DNAAF19: variants seen among roughly 807,000 people sequenced by gnomAD.
The protein encoded by DNAAF19 is coiled-coil domain containing 103.
At chr17:44,901,590 C>T in the DNAAF19 span, 14 of 1,614,104 alleles carry the variant, frequency 8.7e-6, no homozygotes, top group East Asian at 4.5e-5. Context: ...GAGAACTGTG[C>T]CCTGGAACTG....
chr17:44,904,357 C>T, the DNAAF19 span: 46 of 1,542,892 alleles, frequency 3.0e-5, no homozygotes, highest in Admixed American at 2.6e-4. Context: ...GGGAATGGAC[C>T]CCCTGTGACC....
At chr17:44,904,015 T>G in the DNAAF19 span, 1 of 1,550,658 alleles carries the variant, frequency 6.4e-7, no homozygotes. Flanking sequence ...AGGTGCCAGC[T>G]GTAGTCTGGT....
At chr17:44,900,676 C>A in the DNAAF19 span, among the ~76,000 whole-genome samples, 101,276 of 152,010 alleles carry the variant, frequency 0.67, 34,512 homozygotes, top group African/African-American at 0.81. Context: ...TCTGAGATCC[C>A]AATGCCTCCT....
At chr17:44,903,859 G>T in the DNAAF19 span, 1 of 1,537,136 alleles carries the variant, frequency 6.5e-7, no homozygotes, top group South Asian at 1.2e-5. Flanking sequence ...CTGTGCTCCT[G>T]TGGGCATGGG....
At chr17:44,902,526 G>A in the DNAAF19 span, 1 of 1,614,260 alleles carries the variant, frequency 6.2e-7, no homozygotes, top group South Asian at 1.1e-5. Context: ...TTCTTGGGGA[G>A]CTGCTGGTGG....
the DNAAF19 span, chr17:44,901,240 C>T: frequency 3.0e-5 from 41 of 1,387,544 alleles, no homozygotes; most frequent in East Asian, 1.9e-4. Context: ...CTGGCCCCAC[C>T]GTCTACTGTT....
the DNAAF19 span, chr17:44,902,389 A>G: frequency 1.7e-5 from 27 of 1,614,042 alleles, no homozygotes; most frequent in Middle Eastern, 1.6e-4. Context: ...CCAGCCCGAG[A>G]CGTCTGCTGA....
the DNAAF19 span, chr17:44,901,063 C>A: frequency 2.5e-6 from 4 of 1,601,150 alleles, no homozygotes; most frequent in Non-Finnish European, 3.4e-6. Context: ...GCACTCACTG[C>A]TGATGAGAAG....
chr17:44,902,501 A>G, the DNAAF19 span: 2 of 1,614,172 alleles, frequency 1.2e-6, no homozygotes. Context: ...TTCCAGACAG[A>G]TGTGGGATTT....
the DNAAF19 span, chr17:44,903,155 C>T: frequency 7.9e-7 from 1 of 1,263,846 alleles, no homozygotes; most frequent in East Asian, 2.9e-5. Flanking sequence ...ACAGCCTCCA[C>T]TCATAAAAGG....
the DNAAF19 span, chr17:44,904,121 G>A: frequency 6.7e-5 from 104 of 1,550,410 alleles, no homozygotes; most frequent in Non-Finnish European, 8.6e-5. Flanking sequence ...TGTGGGCAGC[G>A]ACATGCTGAC....
the DNAAF19 span, chr17:44,904,450 C>T: frequency 6.0e-5 from 92 of 1,542,596 alleles, no homozygotes; most frequent in East Asian, 3.7e-4. Context: ...ACCTCAAGGC[C>T]GTGCCCGATG....
the DNAAF19 span, chr17:44,902,617 A>G: frequency 6.2e-7 from 1 of 1,614,046 alleles, no homozygotes; most frequent in Non-Finnish European, 8.5e-7. Context: ...TGGGCGCTTC[A>G]CCCTGAACCT....
the DNAAF19 span, chr17:44,901,789 A>G: frequency 9.7e-7 from 1 of 1,027,702 alleles, no homozygotes; most frequent in East Asian, 2.6e-5. Flanking sequence ...TTAAACCAAC[A>G]GAGATAGGTT....
the DNAAF19 span, among the ~76,000 whole-genome samples, chr17:44,900,219 C>G: frequency 6.6e-6 from 1 of 151,948 alleles, no homozygotes; most frequent in Non-Finnish European, 1.5e-5. Flanking sequence ...TTGCTTGAAC[C>G]CCGGAGGCAG....
At chr17:44,902,607 T>C in the DNAAF19 span, 2 of 1,614,100 alleles carry the variant, frequency 1.2e-6, no homozygotes, top group East Asian at 2.2e-5. Flanking sequence ...TGGCGAGCAC[T>C]GGGCGCTTCA....
chr17:44,903,273 ATAC>A, the DNAAF19 span: 3 of 1,249,128 alleles, frequency 2.4e-6, no homozygotes. Flanking sequence ...AAATGATCAA[ATAC>A]TACATCATTT....
At chr17:44,900,008 G>A in the DNAAF19 span, 2 of 152,084 alleles carry the variant, frequency 1.3e-5, no homozygotes, top group Non-Finnish European at 1.5e-5. Flanking sequence ...CTGCTTCCTT[G>A]CGCTAGGGCT....
chr17:44,902,101 C>A, the DNAAF19 span, among the ~76,000 whole-genome samples: 1 of 152,160 alleles, frequency 6.6e-6, no homozygotes, highest in Admixed American at 6.5e-5. Flanking sequence ...TCTTGAAGAC[C>A]AGAGCTATGT....
Sources: allele counts gnomAD v4.1 joint callset (sites outside exome capture counted in the v4.1 genomes callset), GRCh38; gene constraint gnomAD v4.1.1; transcripts MANE v1.5; gene names NCBI Gene and HGNC (gene_info 2026-07-23, HGNC 2026-07-21).